Variants in C1orf94 observed in about 807,000 individuals in gnomAD.
C1orf94 encodes the protein uncharacterized protein C1orf94.
In C1orf94, 45 loss-of-function variants were observed where a neutral mutation model predicts 53.6. That is an observed-to-expected ratio of 0.84 (90% confidence interval 0.66 to 1.08). The LOEUF is 1.08. Among genes scored for constraint, C1orf94 ranks in the 50% least tolerant of loss-of-function variants. C1orf94 has a pLI of 0.00. For missense variants in C1orf94, 762 were observed against 738.9 expected (o/e 1.03, Z -0.36); for synonymous variants, 304 against 296.1 (o/e 1.03, Z -0.27).
intron 2 of C1orf94, among the ~76,000 whole-genome samples, chr1:34,199,499 G>A (rs1011492125): frequency 5.9e-5 from 9 of 152,174 alleles, no homozygotes; most frequent in Non-Finnish European, 1.2e-4. Context: ...CCTTAGCCCC[G>A]AAGCTCAGCC....
chr1:34,172,486 T>G (rs1642163943), upstream of C1orf94, among the ~76,000 whole-genome samples: 1 of 152,182 alleles, frequency 6.6e-6, no homozygotes, highest in Non-Finnish European at 1.5e-5. Context: ...TTTTTACAAC[T>G]TTGCAGATGA....
At position 34,177,352 on chromosome 1, in the gene C1orf94, C is replaced by G. The variant is rs960420002; in HGVS notation, c.-438C>G. ...GCCTACAATGGTGCCAGGCCCGCAC[C>G]CAGTCCTCCGCGTGGCTTAGCGGGA... is the stretch of plus-strand genomic sequence containing the variant. On this transcript the variant is annotated 5_prime_UTR_variant, in exon 1 of 7. Coordinates refer to ENST00000488417, the MANE Select transcript of C1orf94 (RefSeq NM_001134734.2). 2.6e-5 allele frequency among the ~76,000 whole-genome samples: 4 copies of G among 152,206 alleles called. No homozygotes were observed. The highest frequency in any genetic ancestry group is 5.9e-5 in the Non-Finnish European group (4 of 68,030).
At chr1:34,210,199 C>T (rs1642866758) in intron 5 of C1orf94, among the ~76,000 whole-genome samples, 5 of 152,198 alleles carry the variant, frequency 3.3e-5, no homozygotes, top group African/African-American at 1.2e-4. Context: ...GGTCCAGGCA[C>T]TTCCTCCCCC....
At chr1:34,176,338 T>A (rs1029813094), upstream of C1orf94, among the ~76,000 whole-genome samples, 2 of 152,180 alleles carry the variant, frequency 1.3e-5, no homozygotes, top group African/African-American at 4.8e-5. Context: ...ACCCCCTGAC[T>A]CTCGGAACCA....
chr1:34,177,059 C>T lies in C1orf94; in HGVS notation c.-731C>T, dbSNP rs552703152. 6.6e-6 allele frequency among the ~76,000 whole-genome samples: 1 copy of T among 152,354 alleles called. No individual in the cohort carries two copies. Among genetic ancestry groups the T allele is most frequent in the Admixed American group, 6.5e-5 (1 of 15,314 alleles). On this transcript the variant is annotated 5_prime_UTR_variant, in exon 1 of 7. Transcript: ENST00000488417. ...CGCGCTCTTGAGCCGCTGGGCCCTT[C>T]CCGGTGCCCGCCTGGCAGCGCGGCG...
chr1:34,184,894 C>T (rs1642362586), intron 1 of C1orf94, among the ~76,000 whole-genome samples: 1 of 151,904 alleles, frequency 6.6e-6, no homozygotes, highest in South Asian at 2.1e-4. Flanking sequence ...GTGATAAAGA[C>T]AAGACTCAGA....
chr1:34,211,402 C>T (rs1198541621), intron 5 of C1orf94, among the ~76,000 whole-genome samples: 4 of 152,048 alleles, frequency 2.6e-5, no homozygotes, highest in Admixed American at 6.6e-5. Flanking sequence ...TGACTTGTCG[C>T]GGCAAGATGG....
At chr1:34,217,180 A>G (rs1185682913) in intron 6 of C1orf94, among the ~76,000 whole-genome samples, 1 of 152,190 alleles carries the variant, frequency 6.6e-6, no homozygotes, top group Non-Finnish European at 1.5e-5. Context: ...AGGCAACTCA[A>G]GCTCCTCCTC....
upstream of C1orf94, among the ~76,000 whole-genome samples, chr1:34,175,606 A>G (rs2148609633): frequency 6.6e-6 from 1 of 152,306 alleles, no homozygotes; most frequent in South Asian, 2.1e-4. Flanking sequence ...CCAGGAACTC[A>G]GCCCCTCTGT....
At chr1:34,169,215 T>C (rs898868110) in intron 1 of C1orf94, among the ~76,000 whole-genome samples, 5 of 152,036 alleles carry the variant, frequency 3.3e-5, no homozygotes, top group Non-Finnish European at 7.4e-5. Context: ...AAGGCAGAGA[T>C]GGGGACCCTG....
intron 1 of C1orf94, among the ~76,000 whole-genome samples, chr1:34,169,774 C>T (rs1238724805): frequency 6.6e-6 from 1 of 152,226 alleles, no homozygotes; most frequent in Non-Finnish European, 1.5e-5. Flanking sequence ...ATTTTAAAAT[C>T]ATGAGCATGA....
chr1:34,216,612 C>T (rs1314397570), intron 6 of C1orf94, among the ~76,000 whole-genome samples: 1 of 151,990 alleles, frequency 6.6e-6, no homozygotes, highest in Admixed American at 6.6e-5. Context: ...AATCAAGAGA[C>T]AAAACTGTGT....
chr1:34,216,269 A>G (rs1195489106), intron 6 of C1orf94, among the ~76,000 whole-genome samples: 4 of 152,166 alleles, frequency 2.6e-5, no homozygotes, highest in Admixed American at 2.0e-4. Context: ...ATGGGATGAG[A>G]TGGCCCAAAA....
chr1:34,172,953 G>A (rs1642169294), upstream of C1orf94, among the ~76,000 whole-genome samples: 1 of 152,196 alleles, frequency 6.6e-6, no homozygotes, highest in Non-Finnish European at 1.5e-5. Flanking sequence ...TGGGAATGGG[G>A]GTCCCTCTGG....
Position 34,194,037 on chromosome 1 carries a change from G to C in C1orf94, c.321-3188G>C, listed in dbSNP as rs538850270. Among the ~76,000 whole-genome samples the C allele has an allele frequency of 4.2e-3, 639 of 152,212 alleles. 3 individuals carry two copies. Among genetic ancestry groups the C allele is most frequent in the Non-Finnish European group, 7.3e-3 (495 of 67,988 alleles). On this transcript the variant is annotated intron_variant, in intron 1 of 6. Coordinates refer to ENST00000488417, the MANE Select transcript of C1orf94 (RefSeq NM_001134734.2). ...GGAGACAAGGAGGTGGTTGCAGCTGGGGGGGACATGAGTGTTTCCTTAAAC... is the reference window on the plus strand; with the variant it reads ...GGAGACAAGGAGGTGGTTGCAGCTGCGGGGGACATGAGTGTTTCCTTAAAC...
rs557695124 is a variant in C1orf94 at position 34,198,914 on chromosome 1, C to G, written c.1009+1001C>G. Reference sequence around the variant, plus strand: ...GGTTGAGCTCTTCCCAGAGAGGAGACCTTCCTCCTACCTCTTCTCCAGAAG... The same window carrying G: ...GGTTGAGCTCTTCCCAGAGAGGAGAGCTTCCTCCTACCTCTTCTCCAGAAG... On this transcript the variant is annotated intron_variant, in intron 2 of 6. Transcript: ENST00000488417. Among the ~76,000 whole-genome samples, 9 of 152,266 alleles carry G rather than the reference C, an allele frequency of 5.9e-5. No individual in the cohort carries two copies. In the South Asian group the frequency reaches 1.9e-3, roughly 32 times the overall value.
In C1orf94 at chr1:34,202,938, A is replaced by G. The variant is rs1457163261; in HGVS notation, c.1446+679A>G. Among the ~76,000 whole-genome samples, 3 of 152,266 alleles carry G rather than the reference A, an allele frequency of 2.0e-5. No homozygotes were observed. In the East Asian group the frequency reaches 5.8e-4, roughly 29 times the overall value. ...TAATGCGAGTAAAAGATAATACAGT[A>G]TAATAACTATTTACATAGTACATTA... On this transcript the variant is annotated intron_variant, in intron 4 of 6. Coordinates refer to ENST00000488417, the MANE Select transcript of C1orf94 (RefSeq NM_001134734.2).
At chr1:34,206,497 A>G (rs926668204) in intron 4 of C1orf94, among the ~76,000 whole-genome samples, 4 of 152,232 alleles carry the variant, frequency 2.6e-5, no homozygotes, top group Non-Finnish European at 5.9e-5. Context: ...ATCTTTGTGT[A>G]TGATGCCGTG....
intron 2 of C1orf94, among the ~76,000 whole-genome samples, chr1:34,198,280 GC>G (rs1444834088): frequency 6.6e-6 from 1 of 152,222 alleles, no homozygotes; most frequent in Non-Finnish European, 1.5e-5. Context: ...GCATGGAGAT[GC>G]CAAGATGTAT....
Sources: allele counts gnomAD v4.1 joint callset (sites outside exome capture counted in the v4.1 genomes callset), GRCh38; gene constraint gnomAD v4.1.1; transcripts MANE v1.5; gene names NCBI Gene and HGNC (gene_info 2026-07-23, HGNC 2026-07-21).